Variants in TENM3 observed in about 807,000 individuals in gnomAD.
TENM3 encodes teneurin transmembrane protein 3.
A neutral mutation model predicts 255.1 loss-of-function variants in TENM3; 63 were observed. The observed-to-expected ratio is 0.25, with a 90% CI of 0.20 to 0.30. TENM3 has a LOEUF of 0.30. Among genes scored for constraint, TENM3 ranks in the 10% least tolerant of loss-of-function variants. The pLI, the probability that TENM3 is intolerant of heterozygous loss-of-function variation, is 1.00. For synonymous variants in TENM3, 1,306 were observed against 1,322.3 expected (o/e 0.99, Z 0.27); for missense variants, 2,929 against 3,461.1 (o/e 0.85, Z 3.86).
intron 1 of TENM3, among the ~76,000 whole-genome samples, chr4:182,320,480 A>G (rs968579512): frequency 6.6e-6 from 1 of 151,864 alleles, no homozygotes; most frequent in South Asian, 2.1e-4. Context: ...CTTCTTTCCT[A>G]TGTGTCTGTG....
the TENM3 span, among the ~76,000 whole-genome samples, chr4:181,505,132 G>A: frequency 6.6e-6 from 1 of 152,160 alleles, no homozygotes; most frequent in Admixed American, 6.5e-5. Context: ...CTCGATATCA[G>A]GTGTGCTGTG....
chr4:181,794,854 C>A, the TENM3 span, among the ~76,000 whole-genome samples: 1 of 152,106 alleles, frequency 6.6e-6, no homozygotes, highest in South Asian at 2.1e-4. Flanking sequence ...CAGTAATTTG[C>A]AAGTGGTCTC....
At chr4:182,187,085 A>C (rs1753210818) in intron 1 of TENM3, among the ~76,000 whole-genome samples, 1 of 151,824 alleles carries the variant, frequency 6.6e-6, no homozygotes, top group Non-Finnish European at 1.5e-5. Context: ...GCAGTTATTC[A>C]AAGCATAAAA....
At chr4:182,752,611 GTT>G (rs1762453943) in intron 20 of TENM3, among the ~76,000 whole-genome samples, 1 of 152,142 alleles carries the variant, frequency 6.6e-6, no homozygotes, top group African/African-American at 2.4e-5. Context: ...TGAATACAAT[GTT>G]TTTGGTTTGG....
intron 1 of TENM3, among the ~76,000 whole-genome samples, chr4:182,283,844 T>C (rs1015113431): frequency 6.6e-6 from 1 of 152,176 alleles, no homozygotes; most frequent in Non-Finnish European, 1.5e-5. Flanking sequence ...TTTTCTTCGA[T>C]TTCTGACATT....
At chr4:181,623,705 A>C in the TENM3 span, among the ~76,000 whole-genome samples, 1 of 152,236 alleles carries the variant, frequency 6.6e-6, no homozygotes, top group African/African-American at 2.4e-5. Flanking sequence ...CTTCGTAAAC[A>C]ATCAGTTGTT....
the TENM3 span, among the ~76,000 whole-genome samples, chr4:181,624,270 C>A: frequency 2.6e-5 from 4 of 152,210 alleles, no homozygotes; most frequent in African/African-American, 9.6e-5. Flanking sequence ...CTGTCCCCAG[C>A]ATCGCCACTC....
At chr4:181,904,403 T>G in the TENM3 span, among the ~76,000 whole-genome samples, 1 of 152,200 alleles carries the variant, frequency 6.6e-6, no homozygotes, top group African/African-American at 2.4e-5. Flanking sequence ...CCAATCACTC[T>G]GATTTGATCA....
chr4:181,701,259 CTT>C, the TENM3 span, among the ~76,000 whole-genome samples: 1 of 152,216 alleles, frequency 6.6e-6, no homozygotes, highest in Non-Finnish European at 1.5e-5. Flanking sequence ...CACCACTTTC[CTT>C]TTCATGAAAT....
At chr4:181,539,969 T>C in the TENM3 span, among the ~76,000 whole-genome samples, 1 of 152,214 alleles carries the variant, frequency 6.6e-6, no homozygotes, top group Admixed American at 6.5e-5. Context: ...TGGTTTCTAA[T>C]ATCATTTTCC....
At chr4:181,494,091 G>A in the TENM3 span, among the ~76,000 whole-genome samples, 150,743 of 152,248 alleles carry the variant, frequency 0.99, 74,641 homozygotes, top group East Asian at 1. Flanking sequence ...GAGGCACAGA[G>A]CCATTAAGTA....
chr4:181,671,263 A>G, the TENM3 span, among the ~76,000 whole-genome samples: 2 of 152,168 alleles, frequency 1.3e-5, no homozygotes, highest in African/African-American at 4.8e-5. Flanking sequence ...TTTGTCATGA[A>G]TAAATTGACC....
chr4:182,171,392 T>C (rs1292945977), intron 1 of TENM3, among the ~76,000 whole-genome samples: 4 of 152,204 alleles, frequency 2.6e-5, no homozygotes, highest in African/African-American at 9.6e-5. Flanking sequence ...TCTGTTTTTT[T>C]CTTGTATGAG....
intron 3 of TENM3, among the ~76,000 whole-genome samples, chr4:182,591,491 A>G (rs1400013383): frequency 3.3e-5 from 5 of 152,224 alleles, no homozygotes; most frequent in South Asian, 2.1e-4. Context: ...TTTACAATCA[A>G]TTGATGATGA....
At chr4:182,355,074 A>G (rs1428923162) in intron 3 of TENM3, among the ~76,000 whole-genome samples, 1 of 152,192 alleles carries the variant, frequency 6.6e-6, no homozygotes, top group Non-Finnish European at 1.5e-5. Context: ...TTACAACAGA[A>G]TATGCAGAGT....
At position 182,798,532 on chromosome 4, in the gene TENM3, A is replaced by G. The variant is rs114663834; in HGVS notation, c.7345-1064A>G. ...CAAGGACGAAATGGCCTAATGCCAC[A>G]TTTCTCAGAATGCCTCCCTGCGGTT... On this transcript the variant is annotated intron_variant, in intron 27 of 27. Transcript: ENST00000511685. Among the ~76,000 whole-genome samples, 461 of 152,332 alleles carry G rather than the reference A, an allele frequency of 3.0e-3. 1 individual carries two copies. Among genetic ancestry groups the G allele is most frequent in the African/African-American group, 0.011 (446 of 41,566 alleles).
chr4:181,555,057 A>C, the TENM3 span, among the ~76,000 whole-genome samples: 21 of 152,220 alleles, frequency 1.4e-4, no homozygotes, highest in Admixed American at 1.4e-3. Flanking sequence ...TGTATTTTTT[A>C]AAGTATGAAC....
chr4:181,832,509 C>T, the TENM3 span, among the ~76,000 whole-genome samples: 1 of 152,176 alleles, frequency 6.6e-6, no homozygotes, highest in Non-Finnish European at 1.5e-5. Context: ...CTGCAATCCT[C>T]TTAGCTCTCT....
rs1579560455 is a variant in TENM3 at position 182,799,527 on chromosome 4, G to A, written c.7345-69G>A. On this transcript the variant is annotated intron_variant, in intron 27 of 27. Transcript: ENST00000511685. The surrounding 1 kb of genome is among the most constrained non-coding windows in gnomAD (Gnocchi z 4.2). ...GCCCCGGCGCTGCCCCCAGAGTCCCGTGTGTGGGTCAGGAGTGGGGAGGCT... is the reference window on the plus strand; with the variant it reads ...GCCCCGGCGCTGCCCCCAGAGTCCCATGTGTGGGTCAGGAGTGGGGAGGCT... The A allele has an allele frequency of 6.7e-7, 1 of 1,502,394 alleles. No individual in the cohort carries two copies. The highest frequency in any genetic ancestry group is 8.8e-7 in the Non-Finnish European group (1 of 1,135,828). The allele number at this position is 1,502,394 out of a possible 1,614,324, so 93.1% of individuals were successfully genotyped here.
Sources: allele counts gnomAD v4.1 joint callset (sites outside exome capture counted in the v4.1 genomes callset), GRCh38; gene constraint gnomAD v4.1.1; non-coding constraint Gnocchi (gnomAD v3.1); transcripts MANE v1.5; gene names NCBI Gene and HGNC (gene_info 2026-07-23, HGNC 2026-07-21).